Variants in NTN4 observed in about 807,000 individuals in gnomAD.
NTN4 encodes the protein netrin 4.
Under a neutral mutation model 73.6 loss-of-function variants are expected in NTN4, and 32 were observed. The observed-to-expected ratio is 0.44, with a 90% CI of 0.33 to 0.58. The LOEUF (loss-of-function observed/expected upper bound fraction) is 0.58. Ranked by LOEUF, NTN4 falls within the 20% of genes least tolerant of loss-of-function variation. The pLI, the probability that NTN4 is intolerant of heterozygous loss-of-function variation, is 0.04. For missense variants in NTN4, 654 were observed against 798.3 expected, an observed-to-expected ratio of 0.82 and a Z score of 2.18; for synonymous variants, 258 against 287.5, an observed-to-expected ratio of 0.90 and a Z score of 1.04.
At chr12:95,760,254 C>T (rs139313219) in intron 2 of NTN4, among the ~76,000 whole-genome samples, 4,253 of 152,210 alleles carry the variant, frequency 0.028, 251 homozygotes, top group Admixed American at 0.15. Flanking sequence ...GAGGTCTTTC[C>T]GGTCCAGACA....
At chr12:95,734,448 G>A (rs932530138) in intron 3 of NTN4, among the ~76,000 whole-genome samples, 1 of 152,152 alleles carries the variant, frequency 6.6e-6, no homozygotes, top group Non-Finnish European at 1.5e-5. Flanking sequence ...TGAGGCTGAT[G>A]GTGCTGGTTC....
chr12:95,693,962 A>T (rs1194951630), intron 5 of NTN4, among the ~76,000 whole-genome samples: 1 of 151,890 alleles, frequency 6.6e-6, no homozygotes, highest in Non-Finnish European at 1.5e-5. Context: ...TTCTGAAGAG[A>T]TTGCTATAGC....
chr12:95,787,271 G>A lies in NTN4; in HGVS notation c.253C>T (p.Pro85Ser), dbSNP rs778732654. 1.9e-6 allele frequency: 3 copies of A among 1,614,100 alleles called. No individual in the cohort carries two copies. The highest frequency in any genetic ancestry group is 2.5e-6 in the Non-Finnish European group (3 of 1,180,056). ...GCAGATGGCAGGTGAGCCAGGTGAG[G>A]ATAGGCAGCATTGCACTTGTCACAT... ...PKCDKCNAAY[P>S]HLAHLPSAMA... The change falls in exon 2 of 10, where the codon CCT (proline) becomes TCT (serine). Residue 85 changes from proline to serine, a missense_variant. Coordinates refer to ENST00000343702, the MANE Select transcript of NTN4 (RefSeq NM_021229.4).
At chr12:95,744,296 A>T (rs2078846412) in intron 2 of NTN4, among the ~76,000 whole-genome samples, 1 of 152,204 alleles carries the variant, frequency 6.6e-6, no homozygotes, top group African/African-American at 2.4e-5. Flanking sequence ...TCTAAAATCT[A>T]CTTTGATAGT....
chr12:95,787,161 C>T lies in NTN4; in HGVS notation c.363G>A (p.Leu121=). Residue 121 remains leucine, a synonymous_variant, in exon 2 of 10, where the codon CTG becomes CTA. Transcript: ENST00000343702. ...DVHREKIQLD[L]EAEFYFTHLI... ...GGTGAGTGAAGTAGAATTCAGCTTC[C>T]AGGTCTAACTGGATCTTTTCTCTGT... 1.2e-6 allele frequency: 2 copies of T among 1,614,186 alleles called. No homozygotes were observed. Among genetic ancestry groups the T allele is most frequent in the East Asian group, 2.2e-5 (1 of 44,886 alleles).
chr12:95,753,880 A>C (rs1187292659), intron 2 of NTN4, among the ~76,000 whole-genome samples: 298 of 147,192 alleles, frequency 2.0e-3, no homozygotes, highest in East Asian at 7.1e-3. Flanking sequence ...ACTGTGCCCC[A>C]AAAAAACTTG....
At chr12:95,680,666 G>A (rs1368933102) in intron 7 of NTN4, among the ~76,000 whole-genome samples, 1 of 152,126 alleles carries the variant, frequency 6.6e-6, no homozygotes, top group Non-Finnish European at 1.5e-5. Context: ...TTTTTGAGAT[G>A]GATAAACCTC....
In NTN4 at chr12:95,738,094, A is replaced by G; in HGVS notation, c.636T>C (p.Ser212=). The G allele has an allele frequency of 1.2e-6, 2 of 1,614,042 alleles. No homozygotes were observed. Among genetic ancestry groups the G allele is most frequent in the East Asian group, 4.5e-5 (2 of 44,900 alleles). ...TCTTCAGCTGCTCCTGAACTTTGGC[A>G]CTGTAAGGGTTCTCTGTATCGTATG... ...SPPYDTENPY[S]AKVQEQLKIT... is the part of the protein sequence containing the mutation. The change falls in exon 3 of 10, where the codon AGT becomes AGC. Residue 212 remains serine, a synonymous_variant. Coordinates refer to ENST00000343702, the MANE Select transcript of NTN4 (RefSeq NM_021229.4).
chr12:95,777,762 C>CATCCTTGTAAGATTACAGATATCCTTGTA (rs1416786885), intron 2 of NTN4, among the ~76,000 whole-genome samples: 6 of 152,136 alleles, frequency 3.9e-5, no homozygotes, highest in Non-Finnish European at 7.3e-5. Context: ...ATCAACCAGA[C>CATCCTTGTAAGATTACAGATATCCTTGTA]AGAAAATTAA....
At chr12:95,733,415 T>A (rs889305899) in intron 3 of NTN4, among the ~76,000 whole-genome samples, 1 of 152,132 alleles carries the variant, frequency 6.6e-6, no homozygotes, top group African/African-American at 2.4e-5. Context: ...CAAAGAAGTG[T>A]ATGAAGGAGA....
intron 3 of NTN4, among the ~76,000 whole-genome samples, chr12:95,731,178 T>A (rs1403459825): frequency 6.6e-6 from 1 of 152,212 alleles, no homozygotes; most frequent in Admixed American, 6.5e-5. Flanking sequence ...TGTAGAGGAC[T>A]TGGATAGTTT....
intron 5 of NTN4, among the ~76,000 whole-genome samples, chr12:95,692,746 G>T (rs2078410478): frequency 6.6e-6 from 1 of 152,148 alleles, no homozygotes; most frequent in African/African-American, 2.4e-5. Flanking sequence ...AGATTTCTTA[G>T]AAGACAGAAA....
chr12:95,706,289 CA>C (rs1191895328), intron 5 of NTN4, among the ~76,000 whole-genome samples: 2 of 48,926 alleles, frequency 4.1e-5, no homozygotes, highest in Admixed American at 1.6e-4. Flanking sequence ...AGAACAGTAA[CA>C]AAAAAAACTA....
chr12:95,722,574 G>A (rs748366691), intron 3 of NTN4, among the ~76,000 whole-genome samples: 2 of 152,136 alleles, frequency 1.3e-5, no homozygotes, highest in Non-Finnish European at 2.9e-5. Flanking sequence ...GTAATGAGCC[G>A]AGACTGTGCC....
intron 2 of NTN4, among the ~76,000 whole-genome samples, chr12:95,746,180 C>T (rs1283793193): frequency 6.6e-6 from 1 of 152,144 alleles, no homozygotes; most frequent in Admixed American, 6.5e-5. Context: ...CTAGCACATC[C>T]AAGAATGCAA....
chr12:95,762,602 T>C (rs772998811), intron 2 of NTN4, among the ~76,000 whole-genome samples: 10 of 152,238 alleles, frequency 6.6e-5, no homozygotes, highest in Non-Finnish European at 1.3e-4. Context: ...CAGATATTTT[T>C]CTCTCTACTG....
chr12:95,694,671 A>AC (rs2078427714), intron 5 of NTN4, among the ~76,000 whole-genome samples: 1 of 152,142 alleles, frequency 6.6e-6, no homozygotes, highest in African/African-American at 2.4e-5. Context: ...ATGAAAAGCT[A>AC]TAAAAAAATA....
At chr12:95,783,497 T>C (rs2079146907) in intron 2 of NTN4, among the ~76,000 whole-genome samples, 1 of 152,214 alleles carries the variant, frequency 6.6e-6, no homozygotes, top group Non-Finnish European at 1.5e-5. Context: ...TTTACCTTCA[T>C]GTCATCTCCA....
intron 2 of NTN4, among the ~76,000 whole-genome samples, chr12:95,761,256 T>G (rs1386134971): frequency 6.6e-6 from 1 of 152,034 alleles, no homozygotes; most frequent in Non-Finnish European, 1.5e-5. Flanking sequence ...ATCAAGGTAT[T>G]TTAATGCAGA....
Sources: gnomAD v4.1 joint callset for allele counts (sites outside exome capture counted in the v4.1 genomes callset) on GRCh38, gnomAD v4.1.1 for gene constraint, MANE v1.5 for transcripts, NCBI Gene and HGNC (gene_info 2026-07-23, HGNC 2026-07-21) for gene names.